TMEM132D: variants seen among roughly 807,000 people sequenced by gnomAD.
TMEM132D encodes the protein mature OL transmembrane protein.
TMEM132D carries 21 observed loss-of-function variants against 62.3 expected under a neutral mutation model. The ratio of observed to expected loss-of-function variants is 0.34; its 90% CI spans 0.24 to 0.49. The LOEUF (loss-of-function observed/expected upper bound fraction) is 0.49, where lower values mean the gene tolerates loss of function less well. Among genes scored for constraint, TMEM132D ranks in the 20% least tolerant of loss-of-function variants. The probability of loss-of-function intolerance (pLI) is 0.99; values close to 1 mark genes in which losing one functional copy is unlikely to be tolerated. For missense variants in TMEM132D, 1,346 were observed against 1,402.8 expected (o/e 0.96, Z 0.65); for synonymous variants, 621 against 575.6 (o/e 1.08, Z -1.13).
intron 3 of TMEM132D, among the ~76,000 whole-genome samples, chr12:129,420,801 C>T (rs1016266920): frequency 1.3e-5 from 2 of 152,056 alleles, no homozygotes; most frequent in African/African-American, 4.8e-5. Context: ...TTGAACACTT[C>T]GTGGGAATGT....
At chr12:129,337,952 G>C in intron 3 of TMEM132D, 135 bp from the exon 4 acceptor site, 1 of 882,354 alleles carries the variant, frequency 1.1e-6, no homozygotes, top group Non-Finnish European at 1.7e-6. Flanking sequence ...TCTGCAAAGA[G>C]CATTCAGAGA....
chr12:129,102,805 T>C (rs1423693694), intron 5 of TMEM132D, among the ~76,000 whole-genome samples: 1 of 152,224 alleles, frequency 6.6e-6, no homozygotes, highest in Non-Finnish European at 1.5e-5. Flanking sequence ...ATGAAGTTAA[T>C]ACATGCTTCA....
At chr12:129,450,988 T>C (rs967959026) in intron 3 of TMEM132D, among the ~76,000 whole-genome samples, 50 of 152,140 alleles carry the variant, frequency 3.3e-4, no homozygotes, top group African/African-American at 1.2e-3. Flanking sequence ...TGTCTAGAAC[T>C]CCTGACCTCG....
chr12:129,630,730 G>C (rs1445038330), intron 2 of TMEM132D, among the ~76,000 whole-genome samples: 1 of 152,060 alleles, frequency 6.6e-6, no homozygotes, highest in Admixed American at 6.6e-5. Context: ...TTAGGTTCAG[G>C]GGTACATATG....
chr12:129,860,924 T>G (rs1202076818), intron 1 of TMEM132D, among the ~76,000 whole-genome samples: 2 of 152,246 alleles, frequency 1.3e-5, no homozygotes, highest in Admixed American at 6.5e-5. Context: ...ATGATTCAAT[T>G]ATAGACACCT....
intron 5 of TMEM132D, 78 bp from the exon 6 acceptor site, chr12:129,084,780 G>C (rs1213856760): frequency 7.0e-7 from 1 of 1,431,262 alleles, no homozygotes; most frequent in African/African-American, 1.4e-5. Context: ...GGAGGAAAGG[G>C]AAGTGCCCTG....
At chr12:129,573,772 A>AAAAT (rs1270105066) in intron 2 of TMEM132D, among the ~76,000 whole-genome samples, 13 of 149,778 alleles carry the variant, frequency 8.7e-5, no homozygotes, top group African/African-American at 3.1e-4. Context: ...GGGAAAGATA[A>AAAAT]CAGTGTCTTC....
At chr12:129,805,097 G>C (rs983091772) in intron 1 of TMEM132D, among the ~76,000 whole-genome samples, 1 of 149,302 alleles carries the variant, frequency 6.7e-6, no homozygotes, top group Non-Finnish European at 1.5e-5. Context: ...AATCAATATC[G>C]TGAAAATGGC....
intron 2 of TMEM132D, among the ~76,000 whole-genome samples, chr12:129,654,279 CGTGTGTGTGTGTGTGTGAGT>C (rs1199097444): frequency 1.9e-5 from 2 of 105,416 alleles, no homozygotes; most frequent in East Asian, 3.0e-4. Context: ...CTCACTCTCT[CGTGTGTGTGTGTGTGTGAGT>C]GTGTGTGTGT....
At chr12:129,896,380 G>T (rs909113348) in intron 1 of TMEM132D, among the ~76,000 whole-genome samples, 1 of 152,148 alleles carries the variant, frequency 6.6e-6, no homozygotes, top group Admixed American at 6.5e-5. Flanking sequence ...GGGCAGCAGG[G>T]AATGAGAGCA....
chr12:129,173,700 G>C (rs1291957951), intron 5 of TMEM132D, among the ~76,000 whole-genome samples: 1 of 152,130 alleles, frequency 6.6e-6, no homozygotes, highest in Non-Finnish European at 1.5e-5. Context: ...TTGTAGCTAA[G>C]TCATAGGCTG....
chr12:129,488,047 C>A (rs1162188875), intron 3 of TMEM132D, among the ~76,000 whole-genome samples: 2 of 151,542 alleles, frequency 1.3e-5, no homozygotes, highest in African/African-American at 4.8e-5. Context: ...TCCCGTATGC[C>A]TTGTGAGGAC....
intron 4 of TMEM132D, among the ~76,000 whole-genome samples, chr12:129,311,609 A>T (rs1341858460): frequency 1.3e-5 from 2 of 152,218 alleles, no homozygotes; most frequent in Non-Finnish European, 2.9e-5. Context: ...AATTTCAAGT[A>T]ATTAAAGGCA....
intron 1 of TMEM132D, among the ~76,000 whole-genome samples, chr12:129,768,677 GAA>G (rs1565979182): frequency 6.6e-6 from 1 of 152,096 alleles, no homozygotes; most frequent in African/African-American, 2.4e-5. Context: ...TGGTAGAGGC[GAA>G]ACAGGGACAG....
intron 3 of TMEM132D, among the ~76,000 whole-genome samples, chr12:129,499,612 C>T (rs1212355199): frequency 6.6e-6 from 1 of 152,110 alleles, no homozygotes; most frequent in South Asian, 2.1e-4. Context: ...TCCTAGGGCC[C>T]CAGTAATGGG....
chr12:129,153,894 G>A (rs534370782), intron 5 of TMEM132D, among the ~76,000 whole-genome samples: 404 of 152,266 alleles, frequency 2.7e-3, no homozygotes, highest in Non-Finnish European at 4.6e-3. Context: ...TTCTCCAGAA[G>A]CGCACTGATC....
chr12:129,086,664 C>T (rs1027620760), intron 5 of TMEM132D, among the ~76,000 whole-genome samples: 6 of 145,614 alleles, frequency 4.1e-5, no homozygotes, highest in African/African-American at 7.6e-5. Flanking sequence ...CTATATACAA[C>T]ATATAATATA....
rs60858972 is a variant in TMEM132D at position 129,790,325 on chromosome 12, C to T, written c.80-89627G>A. Among the ~76,000 whole-genome samples the T allele has an allele frequency of 7.1e-3, 1,075 of 152,288 alleles. 12 individuals carry two copies. Among genetic ancestry groups the T allele is most frequent in the African/African-American group, 0.025 (1,022 of 41,552 alleles). On this transcript the variant is annotated intron_variant, in intron 1 of 8. Coordinates refer to ENST00000422113, the MANE Select transcript of TMEM132D (RefSeq NM_133448.3). ...GTGTGGCAGTCTTTTGCACTCGCAC[C>T]TGAATTTTTGTCTGGCCTCTAGGAG...
chr12:129,329,689 T>C (rs1869043426), intron 4 of TMEM132D, among the ~76,000 whole-genome samples: 1 of 152,186 alleles, frequency 6.6e-6, no homozygotes, highest in Non-Finnish European at 1.5e-5. Context: ...CAATGAGGGA[T>C]AAGGCTGTTC....
Sources: gnomAD v4.1 joint callset for allele counts (sites outside exome capture counted in the v4.1 genomes callset) on GRCh38, gnomAD v4.1.1 for gene constraint, MANE v1.5 for transcripts, NCBI Gene and HGNC (gene_info 2026-07-23, HGNC 2026-07-21) for gene names.